The following DYM variants were observed in gnomAD, a reference collection of about 807,000 sequenced individuals.
The protein encoded by DYM is dymeclin.
Under a neutral mutation model 93.1 loss-of-function variants are expected in DYM, and 78 were observed. The ratio of observed to expected loss-of-function variants is 0.84; its 90% CI spans 0.70 to 1.01. The LOEUF is 1.01. Among genes scored for constraint, DYM ranks in the 50% least tolerant of loss-of-function variants. DYM has a pLI of 0.00. For missense variants in DYM, 789 were observed against 845.0 expected (o/e 0.93, Z 0.82); for synonymous variants, 321 against 319.7 (o/e 1.00, Z -0.04).
chr18:49,389,598 T>C (rs1429083872), intron 3 of DYM, among the ~76,000 whole-genome samples: 3 of 152,230 alleles, frequency 2.0e-5, no homozygotes, highest in Admixed American at 2.0e-4. Flanking sequence ...CTGGGCTCGA[T>C]CAATCCTCCT....
chr18:49,312,721 G>T (rs1321220447), intron 8 of DYM, among the ~76,000 whole-genome samples: 1 of 152,158 alleles, frequency 6.6e-6, no homozygotes, highest in Non-Finnish European at 1.5e-5. Context: ...GGTGACCGGG[G>T]GCATGTCAGC....
chr18:49,370,189 A>G (rs372045727), intron 5 of DYM, among the ~76,000 whole-genome samples: 12 of 151,374 alleles, frequency 7.9e-5, no homozygotes, highest in African/African-American at 2.7e-4. Context: ...GAGGCAGGAG[A>G]ATTGCATGAA....
chr18:49,424,630 A>G (rs1389351179), intron 2 of DYM, among the ~76,000 whole-genome samples: 2 of 152,176 alleles, frequency 1.3e-5, no homozygotes, highest in South Asian at 2.1e-4. Context: ...ATGTGATTGT[A>G]TATTTAGAAA....
At chr18:49,218,970 G>C (rs1397309895) in intron 13 of DYM, among the ~76,000 whole-genome samples, 2 of 152,118 alleles carry the variant, frequency 1.3e-5, no homozygotes, top group African/African-American at 4.8e-5. Flanking sequence ...TTCAGGAGCT[G>C]GTTTTTTGAA....
At chr18:49,259,385 C>T (rs753970278) in intron 11 of DYM, among the ~76,000 whole-genome samples, 1 of 152,192 alleles carries the variant, frequency 6.6e-6, no homozygotes, top group Non-Finnish European at 1.5e-5. Context: ...GAGGACAGAA[C>T]ACGTTAAATA....
intron 2 of DYM, 124 bp downstream of exon 2, chr18:49,430,131 A>C: frequency 1.0e-6 from 1 of 962,962 alleles, no homozygotes; most frequent in East Asian, 2.5e-5. Context: ...TTTTCTACTG[A>C]TCTATGTATG....
chr18:49,095,307 AT>A (rs1296467650), intron 17 of DYM, among the ~76,000 whole-genome samples: 4 of 152,216 alleles, frequency 2.6e-5, no homozygotes, highest in Admixed American at 6.5e-5. Flanking sequence ...ATAAGGCTTG[AT>A]TGTAAGGATA....
At chr18:49,377,098 A>G (rs942042107) in intron 5 of DYM, among the ~76,000 whole-genome samples, 1 of 152,220 alleles carries the variant, frequency 6.6e-6, no homozygotes, top group Admixed American at 6.5e-5. Flanking sequence ...TTCTTGTACC[A>G]TGTCATTTCA....
chr18:49,267,884 G>A (rs1261943518), intron 11 of DYM, among the ~76,000 whole-genome samples: 5 of 151,862 alleles, frequency 3.3e-5, no homozygotes, highest in African/African-American at 9.6e-5. Flanking sequence ...GAGACAAAGC[G>A]AGACTGTGTC....
Position 49,286,763 on chromosome 18 carries a change from C to A in DYM, c.764-147G>T. The stretch of plus-strand genomic sequence containing the variant: ...ATCATGTCTATACATTTCACAAGGC[C>A]AGAAAATCCTTGCTATAAAAACTGG... On this transcript the variant is annotated intron_variant, in intron 8 of 17. Coordinates refer to ENST00000675505, the MANE Select transcript of DYM (RefSeq NM_001353214.3). 3 of 769,426 alleles carry A rather than the reference C, an allele frequency of 3.9e-6. No homozygotes were observed. In the South Asian group the frequency reaches 5.2e-5, roughly 13 times the overall value. The allele number at this position is 769,426 out of a possible 1,614,324, so 47.7% of individuals were successfully genotyped here. A position where few individuals can be genotyped will look rare whatever the true frequency, so the allele number is the denominator to read the frequency against.
At chr18:49,426,622 C>T (rs752940564) in intron 2 of DYM, among the ~76,000 whole-genome samples, 6 of 151,568 alleles carry the variant, frequency 4.0e-5, no homozygotes, top group Non-Finnish European at 8.8e-5. Context: ...TACCAATACC[C>T]CTTAAACATA....
At chr18:49,145,628 A>T (rs1204916883) in intron 15 of DYM, among the ~76,000 whole-genome samples, 1 of 152,156 alleles carries the variant, frequency 6.6e-6, no homozygotes, top group Non-Finnish European at 1.5e-5. Context: ...ATGAGTATCA[A>T]CCTGTCCCGA....
chr18:49,381,402 G>A, intron 3 of DYM, among the ~76,000 whole-genome samples: 1 of 152,042 alleles, frequency 6.6e-6, no homozygotes, highest in East Asian at 1.9e-4. Flanking sequence ...TTTTTGTCAT[G>A]ACTTAAGAGT....
chr18:49,285,372 C>G (rs1335917579), intron 9 of DYM, among the ~76,000 whole-genome samples: 1 of 152,208 alleles, frequency 6.6e-6, no homozygotes, highest in African/African-American at 2.4e-5. Context: ...GTACTTCCCA[C>G]CCATCTTCAT....
At chr18:49,132,594 T>C (rs772500672) in intron 15 of DYM, among the ~76,000 whole-genome samples, 15 of 152,280 alleles carry the variant, frequency 9.9e-5, no homozygotes, top group Admixed American at 4.6e-4. Context: ...ACGTTTCTCA[T>C]TTTGTTCTTC....
intron 6 of DYM, among the ~76,000 whole-genome samples, chr18:49,336,334 T>A (rs892559012): frequency 1.4e-4 from 22 of 152,300 alleles, no homozygotes; most frequent in African/African-American, 5.1e-4. Flanking sequence ...TCAAAATTAA[T>A]TGGGCCAAAC....
At chr18:49,049,531 T>TC (rs1465204875) in intron 17 of DYM, among the ~76,000 whole-genome samples, 1 of 152,160 alleles carries the variant, frequency 6.6e-6, no homozygotes, top group African/African-American at 2.4e-5. Flanking sequence ...TAACCATCCT[T>TC]CCTACTTCAC....
At chr18:49,131,057 T>C (rs1394854554) in intron 15 of DYM, among the ~76,000 whole-genome samples, 1 of 152,200 alleles carries the variant, frequency 6.6e-6, no homozygotes, top group Non-Finnish European at 1.5e-5. Context: ...TAAAACTATT[T>C]ATGGTCTTGC....
intron 17 of DYM, among the ~76,000 whole-genome samples, chr18:49,079,895 G>T (rs1472493949): frequency 7.9e-5 from 12 of 151,048 alleles, no homozygotes; most frequent in African/African-American, 2.9e-4. Flanking sequence ...TTGTCATCCC[G>T]GCCCGTTCTC....
Sources: allele counts gnomAD v4.1 joint callset (sites outside exome capture counted in the v4.1 genomes callset), GRCh38; gene constraint gnomAD v4.1.1; transcripts MANE v1.5; gene names NCBI Gene and HGNC (gene_info 2026-07-23, HGNC 2026-07-21).